The following KLF12 variants were observed in gnomAD, a reference collection of about 807,000 sequenced individuals.
The protein encoded by KLF12 is KLF transcription factor 12, also known as Krueppel-like factor 12.
A neutral mutation model predicts 37.8 loss-of-function variants in KLF12; 9 were observed. That is an observed-to-expected ratio of 0.24 (90% CI 0.14 to 0.42). KLF12 has a LOEUF of 0.42. Among genes scored for constraint, KLF12 ranks in the 10% least tolerant of loss-of-function variants. The probability of loss-of-function intolerance (pLI) is 1.00; values close to 1 mark genes in which losing one functional copy is unlikely to be tolerated. For synonymous variants in KLF12, 208 were observed against 202.1 expected (o/e 1.03, Z -0.25); for missense variants, 411 against 516.0 (o/e 0.80, Z 1.97).
At chr13:73,789,831 T>C (rs1012022951) in intron 5 of KLF12, among the ~76,000 whole-genome samples, 21 of 152,176 alleles carry the variant, frequency 1.4e-4, no homozygotes, top group Admixed American at 6.5e-4. Context: ...CGTCCGCCAC[T>C]ACGCCCGGTT....
intron 1 of KLF12, among the ~76,000 whole-genome samples, chr13:74,066,076 G>A (rs1566195805): frequency 1.3e-5 from 2 of 152,058 alleles, no homozygotes; most frequent in Non-Finnish European, 2.9e-5. Flanking sequence ...AGAAAATGTG[G>A]ATTGTTGTGG....
rs184640889 is a variant in KLF12 at position 73,915,544 on chromosome 13, G to C, written c.123+28437C>G. 8.8e-3 allele frequency among the ~76,000 whole-genome samples: 1,325 copies of C among 151,036 alleles called. 18 individuals carry two copies. Among genetic ancestry groups the C allele is most frequent in the African/African-American group, 0.031 (1,255 of 41,126 alleles). ...CTTTTTTTTTTTGAGATGGAGTCTC[G>C]CTCTGTCGCCCAGGCTGGAGTGCAG... On this transcript the variant is annotated intron_variant, in intron 3 of 7. Coordinates refer to ENST00000377669, the MANE Select transcript of KLF12 (RefSeq NM_007249.5).
chr13:73,783,656 G>A (rs751622561), intron 5 of KLF12, among the ~76,000 whole-genome samples: 1 of 152,136 alleles, frequency 6.6e-6, no homozygotes, highest in African/African-American at 2.4e-5. Flanking sequence ...TTTTACTAAT[G>A]TGAATTGCTG....
At chr13:73,900,189 C>T (rs991342682) in intron 3 of KLF12, among the ~76,000 whole-genome samples, 4 of 152,016 alleles carry the variant, frequency 2.6e-5, no homozygotes, top group South Asian at 4.2e-4. Flanking sequence ...ACTGGAGATC[C>T]GGTCGTCATA....
the KLF12 span, among the ~76,000 whole-genome samples, chr13:74,269,683 G>C: frequency 6.6e-6 from 1 of 152,150 alleles, no homozygotes; most frequent in African/African-American, 2.4e-5. Context: ...TATTTTTGCT[G>C]CCCAGGAGCT....
intron 2 of KLF12, among the ~76,000 whole-genome samples, chr13:73,975,212 C>T (rs1045376346): frequency 2.6e-5 from 4 of 152,114 alleles, no homozygotes; most frequent in Admixed American, 2.0e-4. Context: ...CTGCTCAGCT[C>T]GAGAACACTC....
chr13:74,156,059 C>G, the KLF12 span, among the ~76,000 whole-genome samples: 1 of 152,236 alleles, frequency 6.6e-6, no homozygotes, highest in East Asian at 1.9e-4. Flanking sequence ...TCATACACAA[C>G]TTTCTCAGCA....
chr13:73,734,716 G>A (rs2092302463), intron 6 of KLF12, among the ~76,000 whole-genome samples: 4 of 152,074 alleles, frequency 2.6e-5, no homozygotes, highest in African/African-American at 4.8e-5. Flanking sequence ...ATATCATTAA[G>A]CATTTACTTG....
chr13:74,065,473 T>C (rs1033401792), intron 1 of KLF12, among the ~76,000 whole-genome samples: 4 of 152,028 alleles, frequency 2.6e-5, no homozygotes, highest in African/African-American at 9.7e-5. Flanking sequence ...CCCCAAAGAA[T>C]TGAAAGAAAT....
the KLF12 span, among the ~76,000 whole-genome samples, chr13:74,280,498 A>C: frequency 3.3e-5 from 5 of 152,210 alleles, no homozygotes; most frequent in Non-Finnish European, 1.5e-5. Flanking sequence ...ATCTATACAC[A>C]GATTGTTTCT....
At chr13:73,752,852 G>C (rs1878875738) in intron 6 of KLF12, among the ~76,000 whole-genome samples, 1 of 151,546 alleles carries the variant, frequency 6.6e-6, no homozygotes, top group African/African-American at 2.4e-5. Flanking sequence ...AGGTAGCTGG[G>C]ATTACAGGTG....
At chr13:73,817,920 T>C (rs1883321770) in intron 4 of KLF12, among the ~76,000 whole-genome samples, 3 of 152,270 alleles carry the variant, frequency 2.0e-5, no homozygotes, top group Admixed American at 1.3e-4. Context: ...TTGTTTACTT[T>C]TAACAACATT....
chr13:73,745,036 T>G (rs1410845498), intron 6 of KLF12, among the ~76,000 whole-genome samples: 1 of 152,200 alleles, frequency 6.6e-6, no homozygotes, highest in Non-Finnish European at 1.5e-5. Context: ...GTCACTTTTA[T>G]GAGTACCTAA....
At chr13:74,300,660 ATAGCTTTTTATATAAAAT>A in the KLF12 span, among the ~76,000 whole-genome samples, 1 of 152,192 alleles carries the variant, frequency 6.6e-6, no homozygotes, top group Non-Finnish European at 1.5e-5. Context: ...GTCATCGCGT[ATAGCTTTTTATATAAAAT>A]TCATCCTTGC....
chr13:73,815,267 C>G (rs60132913), intron 4 of KLF12, among the ~76,000 whole-genome samples: 10,631 of 152,186 alleles, frequency 0.07, 430 homozygotes, highest in African/African-American at 0.11. Flanking sequence ...TGGTAACAGA[C>G]AGCTTAACTA....
chr13:74,163,154 A>G, the KLF12 span, among the ~76,000 whole-genome samples: 1 of 152,228 alleles, frequency 6.6e-6, no homozygotes, highest in Non-Finnish European at 1.5e-5. Flanking sequence ...TAGTACAACT[A>G]CTATGGAGAG....
the KLF12 span, among the ~76,000 whole-genome samples, chr13:74,196,146 ATG>A: frequency 6.6e-6 from 1 of 152,174 alleles, no homozygotes; most frequent in Non-Finnish European, 1.5e-5. Flanking sequence ...TACAACAACC[ATG>A]TGTCCTCTTA....
At chr13:73,892,920 C>T (rs1042518094) in intron 3 of KLF12, among the ~76,000 whole-genome samples, 1 of 151,730 alleles carries the variant, frequency 6.6e-6, no homozygotes, top group Non-Finnish European at 1.5e-5. Flanking sequence ...CACAATAATA[C>T]ATTGCTTTTG....
intron 2 of KLF12, among the ~76,000 whole-genome samples, chr13:73,953,970 C>CTTTCTTTTTTTTTT (rs1437808345): frequency 1.1e-5 from 1 of 88,534 alleles, no homozygotes; most frequent in African/African-American, 4.4e-5. Context: ...TTTTTTCTTT[C>CTTTCTTTTTTTTTT]TTTTTTTTTT....
Sources: allele counts gnomAD v4.1 joint callset (sites outside exome capture counted in the v4.1 genomes callset), GRCh38; gene constraint gnomAD v4.1.1; transcripts MANE v1.5; gene names NCBI Gene and HGNC (gene_info 2026-07-23, HGNC 2026-07-21).